The following TFEC variants were observed in gnomAD, a reference collection of about 807,000 sequenced individuals.
The protein encoded by TFEC is class E basic helix-loop-helix protein 34.
Under a neutral mutation model 41.6 loss-of-function variants are expected in TFEC, and 31 were observed. That is an observed-to-expected ratio of 0.74 (90% CI 0.56 to 1.01). The LOEUF (loss-of-function observed/expected upper bound fraction) is 1.01, where lower values mean the gene tolerates loss of function less well. Ranked by LOEUF, TFEC falls within the 50% of genes least tolerant of loss-of-function variation. The pLI, the probability that TFEC is intolerant of heterozygous loss-of-function variation, is 0.00. For synonymous variants in TFEC, 143 were observed against 140.6 expected, an observed-to-expected ratio of 1.02 and a Z score of -0.12; for missense variants, 402 against 404.1, an observed-to-expected ratio of 0.99 and a Z score of 0.04.
rs569284642 is a variant in TFEC, at chr7:115,958,307, T to C, written c.268-1514A>G. Among the ~76,000 whole-genome samples the C allele has an allele frequency of 2.0e-5, 3 of 152,046 alleles. No individual in the cohort carries two copies. The East Asian group carries it at 5.8e-4, about 30-fold the overall frequency. ...CCAAAAAGCAGATGTTTTTCTAAGA[T>C]GTGACTCACTTAGCCATACTTTTTA... On this transcript the variant is annotated intron_variant, in intron 3 of 7. Coordinates refer to ENST00000265440, the MANE Select transcript of TFEC (RefSeq NM_012252.4).
chr7:116,124,623 C>A (rs1333624981), intron 1 of TFEC, among the ~76,000 whole-genome samples: 1 of 152,090 alleles, frequency 6.6e-6, no homozygotes, highest in African/African-American at 2.4e-5. Flanking sequence ...CACCAGAATT[C>A]TATTTCTAGT....
intron 3 of TFEC, among the ~76,000 whole-genome samples, chr7:116,089,715 GCAAA>G (rs1797281131): frequency 6.6e-6 from 1 of 152,144 alleles, no homozygotes; most frequent in African/African-American, 2.4e-5. Context: ...CACTGAGGGT[GCAAA>G]AGACAAAGGA....
At chr7:116,038,658 T>C (rs1795965000) in intron 3 of TFEC, among the ~76,000 whole-genome samples, 2 of 152,040 alleles carry the variant, frequency 1.3e-5, no homozygotes, top group Admixed American at 6.6e-5. Flanking sequence ...TTTGTAATGT[T>C]AGAATGTTCC....
At position 116,051,631 on chromosome 7, in the gene TFEC, CAT is replaced by C. The variant is rs1396587146; in HGVS notation, c.198+59075_198+59076del. 3.3e-5 allele frequency among the ~76,000 whole-genome samples: 5 copies of C among 152,076 alleles called. No individual in the cohort carries two copies. The East Asian group carries it at 5.8e-4, about 18-fold the overall frequency. ...ACATTTTATAATTTATATTTAGGTA[CAT>C]GTGTGTGCTTATGTATCTACACACA... On this transcript the variant is annotated intron_variant, in intron 3 of 8. Coordinates refer to the TFEC transcript ENST00000484212.
At chr7:116,106,437 C>T (rs1797719732) in intron 3 of TFEC, among the ~76,000 whole-genome samples, 1 of 152,116 alleles carries the variant, frequency 6.6e-6, no homozygotes, top group Non-Finnish European at 1.5e-5. Flanking sequence ...AGCTGGAGTG[C>T]AGTGGCACAA....
intron 3 of TFEC, among the ~76,000 whole-genome samples, chr7:115,963,420 T>C (rs764249093): frequency 3.3e-5 from 5 of 151,784 alleles, no homozygotes; most frequent in African/African-American, 4.8e-5. Flanking sequence ...TATGATCCAG[T>C]AATTTCACTT....
chr7:116,047,442 G>C (rs1053536895), intron 3 of TFEC, among the ~76,000 whole-genome samples: 1 of 152,102 alleles, frequency 6.6e-6, no homozygotes, highest in African/African-American at 2.4e-5. Context: ...AGGTGGCAGT[G>C]AGGCTGGGGG....
intron 5 of TFEC, among the ~76,000 whole-genome samples, chr7:115,952,773 T>C (rs564341322): frequency 2.6e-5 from 4 of 152,222 alleles, no homozygotes; most frequent in African/African-American, 7.2e-5. Flanking sequence ...GTTTTTGACA[T>C]ATTCACTTAA....
rs6967181 is a variant in TFEC, at chr7:115,985,890, T to A, written c.-72-1377A>T. Among the ~76,000 whole-genome samples the A allele has an allele frequency of 9.6e-3, 1,469 of 152,286 alleles. 23 individuals are homozygous for A. The highest frequency in any genetic ancestry group is 0.033 in the African/African-American group (1,384 of 41,578). ...ATTCTTTTTAATCTGTATACTTTTATGAAATATACATTATGAAGAACACTT... is the reference window on the plus strand; with the variant it reads ...ATTCTTTTTAATCTGTATACTTTTAAGAAATATACATTATGAAGAACACTT... On this transcript the variant is annotated intron_variant, in intron 1 of 7. Transcript: ENST00000265440.
chr7:115,989,760 A>C (rs1194209196), intron 1 of TFEC, among the ~76,000 whole-genome samples: 2 of 152,206 alleles, frequency 1.3e-5, no homozygotes, highest in Non-Finnish European at 2.9e-5. Context: ...ACCACAGCTC[A>C]AGGAGGCCTG....
intron 3 of TFEC, among the ~76,000 whole-genome samples, chr7:116,077,856 C>A (rs578018965): frequency 2.6e-5 from 4 of 152,088 alleles, no homozygotes; most frequent in South Asian, 2.1e-4. Context: ...ACTGACAGCA[C>A]TAGATAGGTC....
intron 1 of TFEC, among the ~76,000 whole-genome samples, chr7:115,997,003 G>GA (rs1562922613): frequency 6.6e-6 from 1 of 152,160 alleles, no homozygotes; most frequent in Non-Finnish European, 1.5e-5. Flanking sequence ...TGGGGAGGGG[G>GA]ATCTCATCAC....
At chr7:116,152,416 A>C (rs1342485926) in intron 1 of TFEC, among the ~76,000 whole-genome samples, 1 of 152,226 alleles carries the variant, frequency 6.6e-6, no homozygotes, top group Admixed American at 6.5e-5. Flanking sequence ...AGAGTTTACC[A>C]AAGTAAAAAG....
At chr7:115,980,708 C>G (rs1793589331) in intron 2 of TFEC, among the ~76,000 whole-genome samples, 1 of 151,916 alleles carries the variant, frequency 6.6e-6, no homozygotes, top group Admixed American at 6.6e-5. Context: ...CAAGATTGTG[C>G]CACTGCACTC....
intron 1 of TFEC, among the ~76,000 whole-genome samples, chr7:116,139,816 C>T (rs574146472): frequency 9.9e-4 from 150 of 152,170 alleles, no homozygotes; most frequent in Admixed American, 3.5e-3. Flanking sequence ...AGATAAATCA[C>T]CAGATGATGG....
chr7:116,099,128 A>G (rs74557034), intron 3 of TFEC, among the ~76,000 whole-genome samples: 3,667 of 152,308 alleles, frequency 0.024, 148 homozygotes, highest in African/African-American at 0.083. Context: ...AAGGATGAAA[A>G]GATAGATAGG....
intron 3 of TFEC, among the ~76,000 whole-genome samples, chr7:116,089,804 G>A (rs1363066394): frequency 6.6e-6 from 1 of 152,060 alleles, no homozygotes; most frequent in African/African-American, 2.4e-5. Flanking sequence ...TAGCTATGGG[G>A]GAAGGATGCA....
chr7:116,045,697 G>A (rs959288539), intron 3 of TFEC, among the ~76,000 whole-genome samples: 2 of 152,200 alleles, frequency 1.3e-5, no homozygotes, highest in African/African-American at 4.8e-5. Context: ...GTCCCTCCTG[G>A]GGCACTGCCT....
At chr7:116,127,879 A>C (rs2116279277) in intron 1 of TFEC, among the ~76,000 whole-genome samples, 1 of 151,972 alleles carries the variant, frequency 6.6e-6, no homozygotes, top group Non-Finnish European at 1.5e-5. Context: ...CCCCACTTTT[A>C]TGTTATTCCT....
Sources: allele counts gnomAD v4.1 joint callset (sites outside exome capture counted in the v4.1 genomes callset), GRCh38; gene constraint gnomAD v4.1.1; transcripts MANE v1.5; gene names NCBI Gene and HGNC (gene_info 2026-07-23, HGNC 2026-07-21).